The following SLC16A10 variants were observed in gnomAD, a reference collection of about 807,000 sequenced individuals.
SLC16A10 encodes the protein solute carrier family 16 member 10.
In SLC16A10, 27 loss-of-function variants were observed where a neutral mutation model predicts 40.0. The ratio of observed to expected loss-of-function variants is 0.67; its 90% CI spans 0.50 to 0.93. The LOEUF (loss-of-function observed/expected upper bound fraction) is 0.93, where lower values mean the gene tolerates loss of function less well. SLC16A10 is among the 40% of genes least tolerant of loss of function. The pLI, the probability that SLC16A10 is intolerant of heterozygous loss-of-function variation, is 0.00. For missense variants in SLC16A10, 529 were observed against 658.2 expected, an observed-to-expected ratio of 0.80 and a Z score of 2.15; for synonymous variants, 213 against 249.8, an observed-to-expected ratio of 0.85 and a Z score of 1.39.
chr6:111,221,583 A>C (rs889127540), intron 5 of SLC16A10, among the ~76,000 whole-genome samples: 1 of 151,862 alleles, frequency 6.6e-6, no homozygotes, highest in African/African-American at 2.4e-5. Flanking sequence ...CCATCTCTAC[A>C]AAAAATATAA....
At chr6:111,143,206 A>G (rs1772014722) in intron 1 of SLC16A10, among the ~76,000 whole-genome samples, 1 of 151,904 alleles carries the variant, frequency 6.6e-6, no homozygotes, top group African/African-American at 2.4e-5. Context: ...CAGCCTCCCA[A>G]GTAGCTGGGA....
At chr6:111,104,498 A>G (rs1000054502) in intron 1 of SLC16A10, among the ~76,000 whole-genome samples, 7 of 152,180 alleles carry the variant, frequency 4.6e-5, no homozygotes, top group Non-Finnish European at 8.8e-5. Flanking sequence ...CCTACAATAC[A>G]TTTTGTATTG....
chr6:111,221,919 TG>T, intron 5 of SLC16A10, 83 bp from the exon 6 acceptor site: 1 of 1,289,022 alleles, frequency 7.8e-7, no homozygotes, highest in Non-Finnish European at 1.1e-6. Context: ...ATGTCTGAGA[TG>T]TCTGAATCAG....
intron 1 of SLC16A10, among the ~76,000 whole-genome samples, chr6:111,166,497 C>T (rs1399921858): frequency 1.3e-5 from 2 of 150,710 alleles, no homozygotes; most frequent in Non-Finnish European, 3.0e-5. Flanking sequence ...ATTTATTTTA[C>T]ATAATTTAAG....
chr6:111,208,958 T>G (rs1385319345), intron 4 of SLC16A10, among the ~76,000 whole-genome samples: 4 of 152,066 alleles, frequency 2.6e-5, no homozygotes, highest in African/African-American at 9.7e-5. Flanking sequence ...TATCAACACT[T>G]TAGGAGGCTG....
chr6:111,172,556 G>A (rs1583343033), intron 1 of SLC16A10, 139 bp from the exon 2 acceptor site: 1 of 948,238 alleles, frequency 1.1e-6, no homozygotes, highest in Non-Finnish European at 1.5e-6. Context: ...CAATTTCCAT[G>A]GCAAAAGAAC....
chr6:111,211,581 A>T (rs9487598), intron 4 of SLC16A10, among the ~76,000 whole-genome samples: 8,430 of 152,276 alleles, frequency 0.055, 598 homozygotes, highest in African/African-American at 0.17. Flanking sequence ...CTGCATTTCA[A>T]ACAAGCCTGA....
chr6:111,155,642 C>A (rs548269538), intron 1 of SLC16A10, among the ~76,000 whole-genome samples: 1 of 152,212 alleles, frequency 6.6e-6, no homozygotes, highest in South Asian at 2.1e-4. Context: ...AGATTATAGA[C>A]AAGCAAGGAA....
At chr6:111,124,325 G>T (rs1052348631) in intron 1 of SLC16A10, among the ~76,000 whole-genome samples, 1 of 150,054 alleles carries the variant, frequency 6.7e-6, no homozygotes, top group Non-Finnish European at 1.5e-5. Context: ...AAAACTTAAA[G>T]AACTTTTATT....
At chr6:111,158,397 G>A (rs1381033268) in intron 1 of SLC16A10, among the ~76,000 whole-genome samples, 5 of 152,114 alleles carry the variant, frequency 3.3e-5, no homozygotes, top group Admixed American at 3.3e-4. Flanking sequence ...CAAATTGGAG[G>A]GGGAATGATT....
chr6:111,144,217 T>G (rs1201943272), intron 1 of SLC16A10, among the ~76,000 whole-genome samples: 1 of 152,236 alleles, frequency 6.6e-6, no homozygotes, highest in African/African-American at 2.4e-5. Flanking sequence ...TATTATTTTC[T>G]TTTTGAGACG....
At chr6:111,182,258 C>T (rs143728950) in intron 3 of SLC16A10, among the ~76,000 whole-genome samples, 22 of 151,638 alleles carry the variant, frequency 1.5e-4, no homozygotes, top group Admixed American at 1.4e-3. Flanking sequence ...ATCTTGGCCT[C>T]CCAAAATGCT....
At chr6:111,132,909 C>T (rs1380168480) in intron 1 of SLC16A10, among the ~76,000 whole-genome samples, 12 of 152,136 alleles carry the variant, frequency 7.9e-5, no homozygotes, top group African/African-American at 1.9e-4. Flanking sequence ...CTCAAACATG[C>T]GAGCTATTTG....
rs1227223039 is a variant in SLC16A10 at position 111,228,943 on chromosome 6, T to G, written c.*6708T>G. On this transcript the variant is annotated 3_prime_UTR_variant, in exon 6 of 6. Coordinates refer to ENST00000368851, the MANE Select transcript of SLC16A10 (RefSeq NM_018593.5). ...ACTCGGGAGGCTGAGGCAGGAGAAT[T>G]GCTTGAACCCAGGAGGTGGAGGTTG... 1 of 149,730 alleles carries G rather than the reference T, an allele frequency of 6.7e-6. No homozygotes were observed. Among genetic ancestry groups the G allele is most frequent in the Non-Finnish European group, 1.5e-5 (1 of 67,856 alleles). 9.3% of individuals were successfully genotyped at this position (149,730 alleles called of 1,614,324 possible). A position where few individuals can be genotyped will look rare whatever the true frequency, so the allele number is the denominator to read the frequency against.
At chr6:111,134,288 A>G (rs535009979) in intron 1 of SLC16A10, among the ~76,000 whole-genome samples, 4 of 152,360 alleles carry the variant, frequency 2.6e-5, no homozygotes, top group African/African-American at 9.6e-5. Context: ...GATGTCCACT[A>G]TAACACAGGG....
At chr6:111,173,768 C>T (rs1230342124) in intron 2 of SLC16A10, among the ~76,000 whole-genome samples, 1 of 152,008 alleles carries the variant, frequency 6.6e-6, no homozygotes, top group Non-Finnish European at 1.5e-5. Flanking sequence ...GAAAACAAGC[C>T]CAGGATTCCC....
At chr6:111,160,472 C>T (rs950582460) in intron 1 of SLC16A10, among the ~76,000 whole-genome samples, 2 of 152,334 alleles carry the variant, frequency 1.3e-5, no homozygotes, top group East Asian at 3.9e-4. Context: ...CAATTCCTAA[C>T]CTCAGGTGAT....
At chr6:111,176,026 A>G (rs879362908) in intron 2 of SLC16A10, among the ~76,000 whole-genome samples, 4 of 152,082 alleles carry the variant, frequency 2.6e-5, no homozygotes, top group Non-Finnish European at 5.9e-5. Flanking sequence ...CTTTTCCACA[A>G]TGTATCTGGT....
At chr6:111,111,890 C>CT (rs1162616196) in intron 1 of SLC16A10, among the ~76,000 whole-genome samples, 3 of 152,178 alleles carry the variant, frequency 2.0e-5, no homozygotes, top group African/African-American at 7.2e-5. Context: ...TGAGGCATGA[C>CT]TTTGTCATCT....
Sources: gnomAD v4.1 joint callset for allele counts (sites outside exome capture counted in the v4.1 genomes callset) on GRCh38, gnomAD v4.1.1 for gene constraint, MANE v1.5 for transcripts, NCBI Gene and HGNC (gene_info 2026-07-23, HGNC 2026-07-21) for gene names.